Variants in ASB7 observed in about 807,000 individuals in gnomAD.
ASB7 encodes the protein ankyrin repeat and SOCS box containing 7.
In ASB7, 4 loss-of-function variants were observed where a neutral mutation model predicts 32.5. That is an observed-to-expected ratio of 0.12 (90% confidence interval 0.06 to 0.28). The LOEUF (loss-of-function observed/expected upper bound fraction) is 0.28. ASB7 is among the 10% of genes least tolerant of loss of function. The pLI is 1.00. For synonymous variants in ASB7, 172 were observed against 155.6 expected, an observed-to-expected ratio of 1.11 and a Z score of -0.78; for missense variants, 181 against 407.1, an observed-to-expected ratio of 0.44 and a Z score of 4.78.
At chr15:100,623,986 C>T (rs987272372) in intron 4 of ASB7, among the ~76,000 whole-genome samples, 1 of 152,014 alleles carries the variant, frequency 6.6e-6, no homozygotes, top group Non-Finnish European at 1.5e-5. Flanking sequence ...TACAATTTGG[C>T]CATAAAAAAT....
At chr15:100,605,996 A>G (rs1024815285) in intron 2 of ASB7, among the ~76,000 whole-genome samples, 1 of 152,246 alleles carries the variant, frequency 6.6e-6, no homozygotes, top group African/African-American at 2.4e-5. Flanking sequence ...GTTTTGGATC[A>G]TAACCACTAT....
At chr15:100,610,756 A>G (rs1488231634) in intron 3 of ASB7, among the ~76,000 whole-genome samples, 1 of 152,242 alleles carries the variant, frequency 6.6e-6, no homozygotes, top group Non-Finnish European at 1.5e-5. Flanking sequence ...TAGCAAGATT[A>G]TCCTGATATG....
At chr15:100,632,123 C>T (rs1032992402) in intron 5 of ASB7, among the ~76,000 whole-genome samples, 11 of 152,234 alleles carry the variant, frequency 7.2e-5, no homozygotes, top group African/African-American at 2.7e-4. Context: ...TAAAGACTCA[C>T]ATGCACTTTA....
intron 2 of ASB7, among the ~76,000 whole-genome samples, chr15:100,604,405 G>C (rs534361940): frequency 6.6e-6 from 1 of 152,284 alleles, no homozygotes; most frequent in African/African-American, 2.4e-5. Flanking sequence ...AAAGTGACTT[G>C]TTAATCTGAG....
intron 4 of ASB7, among the ~76,000 whole-genome samples, chr15:100,617,689 A>T (rs2039755358): frequency 6.6e-6 from 1 of 152,148 alleles, no homozygotes; most frequent in Non-Finnish European, 1.5e-5. Flanking sequence ...TGTTCCCTGT[A>T]CTTTTTTATT....
At chr15:100,614,431 G>C (rs953563223) in intron 4 of ASB7, among the ~76,000 whole-genome samples, 10 of 152,124 alleles carry the variant, frequency 6.6e-5, no homozygotes, top group African/African-American at 2.4e-4. Context: ...GCAGGAGTCT[G>C]CAAACTTGTT....
chr15:100,611,753 T>G (rs1469696890), intron 3 of ASB7, among the ~76,000 whole-genome samples: 1 of 151,904 alleles, frequency 6.6e-6, no homozygotes, highest in Non-Finnish European at 1.5e-5. Flanking sequence ...GTGCTAAGAC[T>G]GTAGGCGTGA....
chr15:100,621,482 T>C (rs2039791915), intron 4 of ASB7, among the ~76,000 whole-genome samples: 1 of 152,204 alleles, frequency 6.6e-6, no homozygotes, highest in Non-Finnish European at 1.5e-5. Context: ...AAGTCTATCA[T>C]TGGCAGTAGT....
At chr15:100,612,043 GT>G in intron 3 of ASB7, 122 bp from the exon 4 acceptor site, 1 of 636,050 alleles carries the variant, frequency 1.6e-6, no homozygotes, top group Non-Finnish European at 2.8e-6. Context: ...CCAGCTAGTA[GT>G]ATGCACTGTC....
At chr15:100,639,905 T>G (rs568001698) in intron 5 of ASB7, among the ~76,000 whole-genome samples, 5 of 152,302 alleles carry the variant, frequency 3.3e-5, no homozygotes, top group Middle Eastern at 3.4e-3. Flanking sequence ...GAAAATATAG[T>G]TCAGAGCTCA....
intron 4 of ASB7, chr15:100,612,630 C>T (rs1036995497): frequency 1.7e-6 from 1 of 598,994 alleles, no homozygotes; most frequent in African/African-American, 1.9e-5. Flanking sequence ...TGAATGGATT[C>T]TTTTCCCTGA....
At position 100,643,429 on chromosome 15, in the gene ASB7, A is replaced by G. The variant is rs182991444; in HGVS notation, c.818-4894A>G. Among the ~76,000 whole-genome samples, 9 of 149,254 alleles carry G rather than the reference A, an allele frequency of 6.0e-5. No individual in the cohort carries two copies. The East Asian group carries it at 1.2e-3, about 20-fold the overall frequency. On this transcript the variant is annotated intron_variant, in intron 5 of 5. Transcript: ENST00000332783. The stretch of plus-strand genomic sequence containing the variant: ...GAACAGTCTGTCACAAAACAAATCC[A>G]TATCAGCAGATCCCCCATTCCATAA...
rs376485966 is a variant in ASB7, at chr15:100,633,654, GAGGA to G, written c.817+3625_817+3628del. Among the ~76,000 whole-genome samples the G allele has an allele frequency of 8.0e-4, 117 of 146,956 alleles. 1 individual carries two copies. In the East Asian group the frequency reaches 0.017, roughly 21 times the overall value. On this transcript the variant is annotated intron_variant, in intron 5 of 5. Transcript: ENST00000332783. ...GAAAGGAAGGAAAGGAAGAAGGAAG[GAGGA>G]AGGAAGGAAGGAGGAAGGAAGGAAG...
chr15:100,646,877 G>C lies in ASB7; in HGVS notation c.818-1446G>C, dbSNP rs377071766. Among the ~76,000 whole-genome samples the C allele has an allele frequency of 3.9e-5, 6 of 152,278 alleles. No homozygotes were observed. The East Asian group carries it at 1.2e-3, about 29-fold the overall frequency. On this transcript the variant is annotated intron_variant, in intron 5 of 5. Coordinates refer to ENST00000332783, the MANE Select transcript of ASB7 (RefSeq NM_198243.3). ...GCCTTTCTCTCATTCCTTTTATCAT[G>C]AGTGTCAGTTTTTTCCAGAGACGAG...
intron 4 of ASB7, among the ~76,000 whole-genome samples, chr15:100,623,767 A>G (rs1322739105): frequency 1.3e-5 from 2 of 152,190 alleles, no homozygotes; most frequent in South Asian, 2.1e-4. Flanking sequence ...AATTAGTACA[A>G]CCTCTGTGGA....
chr15:100,643,979 G>A (rs977822639), intron 5 of ASB7, among the ~76,000 whole-genome samples: 4 of 152,094 alleles, frequency 2.6e-5, no homozygotes, highest in Admixed American at 6.5e-5. Flanking sequence ...CTGGCATGGC[G>A]GCTCATGCCC....
chr15:100,645,690 C>CT, intron 5 of ASB7: 2 of 1,536,832 alleles, frequency 1.3e-6, no homozygotes, highest in Non-Finnish European at 1.8e-6. Context: ...AAAGAACCAT[C>CT]TTTAGTTTGG....
intron 5 of ASB7, among the ~76,000 whole-genome samples, chr15:100,637,438 A>C (rs144388038): frequency 6.6e-6 from 1 of 152,364 alleles, no homozygotes; most frequent in East Asian, 1.9e-4. Context: ...TTCTTCAATC[A>C]GTGGAGATAT....
At chr15:100,640,043 A>C (rs895736629) in intron 5 of ASB7, among the ~76,000 whole-genome samples, 3 of 152,232 alleles carry the variant, frequency 2.0e-5, no homozygotes, top group Non-Finnish European at 4.4e-5. Context: ...TTTGTCCTAT[A>C]AAGTAAGATT....
Sources: gnomAD v4.1 joint callset for allele counts (sites outside exome capture counted in the v4.1 genomes callset) on GRCh38, gnomAD v4.1.1 for gene constraint, MANE v1.5 for transcripts, NCBI Gene and HGNC (gene_info 2026-07-23, HGNC 2026-07-21) for gene names.